Variants in MYCBPAP observed in about 807,000 individuals in gnomAD.
MYCBPAP encodes the protein MYCBP associated protein.
A neutral mutation model predicts 106.1 loss-of-function variants in MYCBPAP; 60 were observed. The ratio of observed to expected loss-of-function variants is 0.57; its 90% CI spans 0.46 to 0.70. MYCBPAP has a LOEUF of 0.70. MYCBPAP is among the 30% of genes least tolerant of loss of function. The pLI is 0.00. For missense variants in MYCBPAP, 1,064 were observed against 1,169.3 expected, an observed-to-expected ratio of 0.91 and a Z score of 1.31; for synonymous variants, 407 against 440.6, an observed-to-expected ratio of 0.92 and a Z score of 0.95.
At chr17:50,523,563 C>A in intron 11 of MYCBPAP, 34 bp from the exon 12 acceptor site, 1 of 1,609,044 alleles carries the variant, frequency 6.2e-7, no homozygotes. Context: ...CCAGCTCCTG[C>A]ATGTTGAAAA....
At chr17:50,524,844 G>A in intron 12 of MYCBPAP, 33 bp from the exon 13 acceptor site, 2 of 1,605,664 alleles carry the variant, frequency 1.2e-6, no homozygotes, top group East Asian at 2.2e-5. Context: ...TGATAGCCTG[G>A]GCTGCCATCC....
chr17:50,528,001 G>A (rs2034514953), intron 15 of MYCBPAP, among the ~76,000 whole-genome samples, 154 bp from the exon 16 acceptor site: 1 of 152,212 alleles, frequency 6.6e-6, no homozygotes, highest in Non-Finnish European at 1.5e-5. Flanking sequence ...CACTTGCCCT[G>A]GCGGGGAACA....
rs2034405890 is a variant in MYCBPAP, at chr17:50,524,924, G to A, written c.1683G>A (p.Leu561=). The A allele has an allele frequency of 1.2e-6, 2 of 1,613,946 alleles. No homozygotes were observed. Among genetic ancestry groups the A allele is most frequent in the African/African-American group, 1.3e-5 (1 of 74,956 alleles). The change falls in exon 13 of 19, where the codon CTG becomes CTA. Residue 561 remains leucine (L), a synonymous_variant. Coordinates refer to ENST00000323776, the MANE Select transcript of MYCBPAP (RefSeq NM_032133.6). ...HEAVTVVREV[L]QELLMGVLTP... The stretch of plus-strand genomic sequence containing the variant: ...CAGTCACCGTCGTTCGCGAAGTGCT[G>A]CAGGAGCTGCTGATGGGGGTCTTGA...
At chr17:50,526,374 G>C in intron 14 of MYCBPAP, 107 bp downstream of exon 14, 2 of 1,037,304 alleles carry the variant, frequency 1.9e-6, no homozygotes, top group Non-Finnish European at 2.7e-6. Context: ...AACAAAACCT[G>C]AGAGCCCAGA....
Position 50,527,350 on chromosome 17 carries a change from G to A in MYCBPAP, c.2233G>A (p.Ala745Thr), listed in dbSNP as rs150922379. The A allele has an allele frequency of 3.0e-5, 49 of 1,614,100 alleles. No homozygotes were observed. In the African/African-American group the frequency reaches 5.9e-4, roughly 19 times the overall value. Residue 745 changes from alanine to threonine, a missense_variant, in exon 15 of 19, where the codon GCC becomes ACC. Coordinates refer to ENST00000323776, the MANE Select transcript of MYCBPAP (RefSeq NM_032133.6). ...TGCGTTGATGAGGCTCAACAAAGCA[G>A]CCCTGGAGCTGTGCCAGAAGCCAAG... is the stretch of plus-strand genomic sequence containing the variant. The part of the protein sequence containing the change: ...EDALMRLNKA[A>T]LELCQKPRPL...
intron 7 of MYCBPAP, 87 bp downstream of exon 7, chr17:50,519,874 TGAAACAGGCCCA>T (rs2034195523): frequency 1.4e-6 from 2 of 1,434,606 alleles, no homozygotes; most frequent in Admixed American, 4.2e-5. Context: ...AGCTCTACAG[TGAAACAGGCCCA>T]GGGCCTGTTT....
intron 14 of MYCBPAP, 96 bp downstream of exon 14, chr17:50,526,363 A>G (rs1165747431): frequency 4.0e-6 from 5 of 1,263,066 alleles, no homozygotes; most frequent in South Asian, 1.7e-5. Context: ...ATGGGCAAAG[A>G]AACAAAACCT....
At chr17:50,529,860 AT>A (rs1438827736) in intron 18 of MYCBPAP, 1 of 455,910 alleles carries the variant, frequency 2.2e-6, no homozygotes, top group East Asian at 7.0e-5. Flanking sequence ...CTTCATCCTA[AT>A]CCGTTCTTAA....
At chr17:50,526,567 G>T (rs2034470794) in intron 14 of MYCBPAP, among the ~76,000 whole-genome samples, 1 of 149,870 alleles carries the variant, frequency 6.7e-6, no homozygotes, top group East Asian at 2.0e-4. Flanking sequence ...TGAGATTACT[G>T]GCATGTGCCA....
At chr17:50,517,162 T>C (rs2034081045) in intron 2 of MYCBPAP, 131 bp from the exon 3 acceptor site, 2 of 820,628 alleles carry the variant, frequency 2.4e-6, no homozygotes, top group Non-Finnish European at 4.0e-6. Flanking sequence ...TGACAGAACA[T>C]ATGGACAGAG....
chr17:50,516,620 G>C lies in MYCBPAP; in HGVS notation c.127G>C (p.Glu43Gln). The change falls in exon 2 of 19, where the codon GAG (glutamate) becomes CAG (glutamine). Residue 43 changes from glutamate to glutamine, a missense_variant. Transcript: ENST00000323776. ...ACAACCCACACCCACAATTCAGGAA[G>C]AGCCTGAACCTGTTAGCAATGTCCT... ...PEQPTPTIQE[E>Q]PEPVSNVLQG... The C allele has an allele frequency of 2.5e-6, 4 of 1,614,154 alleles. No individual in the cohort carries two copies. Among genetic ancestry groups the C allele is most frequent in the Non-Finnish European group, 3.4e-6 (4 of 1,179,994 alleles).
intron 1 of MYCBPAP, among the ~76,000 whole-genome samples, chr17:50,513,218 C>CAAAAAAA (rs1190873215): frequency 1.6e-5 from 1 of 62,696 alleles, no homozygotes. Context: ...AACTCCATCT[C>CAAAAAAA]AAAAAAAAAA....
chr17:50,508,841 G>A, intron 1 of MYCBPAP, 91 bp downstream of exon 1: 2 of 1,139,398 alleles, frequency 1.8e-6, no homozygotes, highest in Admixed American at 4.0e-5. Flanking sequence ...GGAGGATGGG[G>A]ATGGCACCAG....
rs374256814 is a variant in MYCBPAP, at chr17:50,511,561, C to A, written c.76+2811C>A. Among the ~76,000 whole-genome samples, 22 of 152,320 alleles carry A rather than the reference C, an allele frequency of 1.4e-4. No individual in the cohort carries two copies. In the East Asian group the frequency reaches 2.9e-3, roughly 20 times the overall value. The stretch of plus-strand genomic sequence containing the variant: ...GTTTCTTCTCCCTCCATAGTTTCCC[C>A]GCTCCGTATCTCGCTTCCTACCCCC... On this transcript the variant is annotated intron_variant, in intron 1 of 18. Transcript: ENST00000323776.
Position 50,518,727 on chromosome 17 carries a change from G to A in MYCBPAP, c.652+3G>A, listed in dbSNP as rs1182343776. ...GAAGCAGCAGGAAGCCCTCAGCGGTGAGCAGAGCAGACAGGGCTCCCGCCC... is the reference window on the plus strand; with the variant it reads ...GAAGCAGCAGGAAGCCCTCAGCGGTAAGCAGAGCAGACAGGGCTCCCGCCC... On this transcript the variant is annotated splice_donor_region_variant and intron_variant, in intron 5 of 18. Coordinates refer to ENST00000323776, the MANE Select transcript of MYCBPAP (RefSeq NM_032133.6). 4.5e-6 allele frequency: 7 copies of A among 1,571,728 alleles called. No individual in the cohort carries two copies. Among genetic ancestry groups the A allele is most frequent in the South Asian group, 2.4e-5 (2 of 84,044 alleles).
chr17:50,529,774 G>A (rs556943320), intron 18 of MYCBPAP: 1 of 456,696 alleles, frequency 2.2e-6, no homozygotes, highest in African/African-American at 2.0e-5. Context: ...GGTGCATCCT[G>A]GCAGATGCGT....
At chr17:50,512,765 C>A (rs1456438092) in intron 1 of MYCBPAP, among the ~76,000 whole-genome samples, 1 of 152,130 alleles carries the variant, frequency 6.6e-6, no homozygotes, top group Admixed American at 6.5e-5. Flanking sequence ...TCTCGAGGAG[C>A]AATTTAACTT....
Position 50,526,112 on chromosome 17 carries a change from A to C in MYCBPAP, c.2014A>C (p.Lys672Gln). The C allele has an allele frequency of 6.2e-7, 1 of 1,613,864 alleles. No homozygotes were observed. Among genetic ancestry groups the C allele is most frequent in the South Asian group, 1.1e-5 (1 of 91,088 alleles). Reference protein sequence around the residue: ...NEALRESGSQKARVGTKSPQR... With the variant: ...NEALRESGSQQARVGTKSPQR... The stretch of plus-strand genomic sequence containing the variant: ...GGCCCTCAGGGAATCCGGGTCCCAG[A>C]AGGCCAGAGTGGGGACCAAGAGTCC... Residue 672 changes from lysine to glutamine, a missense_variant, in exon 14 of 19, where the codon AAG (lysine) becomes CAG (glutamine). Transcript: ENST00000323776.
At chr17:50,525,397 CTT>C (rs984339227) in intron 13 of MYCBPAP, among the ~76,000 whole-genome samples, 1 of 152,218 alleles carries the variant, frequency 6.6e-6, no homozygotes, top group Non-Finnish European at 1.5e-5. Flanking sequence ...ATAGCAAACT[CTT>C]TTATGTGCCA....
Sources: allele counts gnomAD v4.1 joint callset (sites outside exome capture counted in the v4.1 genomes callset), GRCh38; gene constraint gnomAD v4.1.1; transcripts MANE v1.5; gene names NCBI Gene and HGNC (gene_info 2026-07-23, HGNC 2026-07-21).